The following MPPED2 variants were observed in gnomAD, a reference collection of about 807,000 sequenced individuals.
The protein encoded by MPPED2 is metallophosphoesterase domain containing 2, also known as metallophosphoesterase MPPED2.
MPPED2 carries 5 observed loss-of-function variants against 33.0 expected under a neutral mutation model. The observed-to-expected ratio is 0.15, with a 90% CI of 0.08 to 0.32. The LOEUF (loss-of-function observed/expected upper bound fraction) is 0.32. MPPED2 is among the 10% of genes least tolerant of loss of function. The pLI, the probability that MPPED2 is intolerant of heterozygous loss-of-function variation, is 1.00. For synonymous variants in MPPED2, 136 were observed against 141.9 expected, an observed-to-expected ratio of 0.96 and a Z score of 0.29; for missense variants, 275 against 372.1, an observed-to-expected ratio of 0.74 and a Z score of 2.15.
chr11:30,548,374 C>A (rs1955538102), intron 2 of MPPED2, among the ~76,000 whole-genome samples: 1 of 152,086 alleles, frequency 6.6e-6, no homozygotes, highest in Non-Finnish European at 1.5e-5. Flanking sequence ...CCACCACACC[C>A]AGCTTGTTTT....
At position 30,488,035 on chromosome 11, in the gene MPPED2, G is replaced by A. The variant is rs534856926; in HGVS notation, c.536+7261C>T. On this transcript the variant is annotated intron_variant, in intron 4 of 6. Transcript: ENST00000358117. Reference sequence around the variant, plus strand: ...ATCCTGGTTTAGTCTAGCAAACTCCGCAAAGGAAGCCTGGATTCTAGTCCT... The same window carrying A: ...ATCCTGGTTTAGTCTAGCAAACTCCACAAAGGAAGCCTGGATTCTAGTCCT... 3.6e-4 allele frequency among the ~76,000 whole-genome samples: 55 copies of A among 152,212 alleles called. 1 individual carries two copies. Among genetic ancestry groups the A allele is most frequent in the Non-Finnish European group, 5.9e-4 (40 of 68,020 alleles).
chr11:30,449,484 T>C (rs1365307412), intron 4 of MPPED2, among the ~76,000 whole-genome samples: 3 of 152,094 alleles, frequency 2.0e-5, no homozygotes, highest in East Asian at 3.9e-4. Flanking sequence ...CAAAACCCTG[T>C]CTCTACACAA....
intron 3 of MPPED2, among the ~76,000 whole-genome samples, chr11:30,533,410 T>C (rs1954638500): frequency 6.6e-6 from 1 of 152,042 alleles, no homozygotes; most frequent in Non-Finnish European, 1.5e-5. Flanking sequence ...AAATCAGAGA[T>C]TCAGTGGACT....
At chr11:30,435,231 T>C (rs1949271014) in intron 4 of MPPED2, among the ~76,000 whole-genome samples, 1 of 152,228 alleles carries the variant, frequency 6.6e-6, no homozygotes, top group Non-Finnish European at 1.5e-5. Context: ...TATAACTGCA[T>C]GGTATCCCAT....
rs1047460358 is a variant in MPPED2 at position 30,504,166 on chromosome 11, A to G, written c.311-8645T>C. Among the ~76,000 whole-genome samples, 74 of 152,184 alleles carry G rather than the reference A, an allele frequency of 4.9e-4. 2 individuals are homozygous for G. Among genetic ancestry groups the G allele is most frequent in the Non-Finnish European group, 1.5e-4 (10 of 68,032 alleles). On this transcript the variant is annotated intron_variant, in intron 3 of 6. Transcript: ENST00000358117. ...CACCCAAGGCACACAGAAGGAGGAA[A>G]TTTTTCCTATTTAAAATTATTATTA...
chr11:30,459,634 A>G (rs1950439204), intron 4 of MPPED2, among the ~76,000 whole-genome samples: 1 of 152,230 alleles, frequency 6.6e-6, no homozygotes, highest in Non-Finnish European at 1.5e-5. Context: ...AAAGCTTCAC[A>G]TAGAAGCTCT....
intron 2 of MPPED2, among the ~76,000 whole-genome samples, chr11:30,554,483 T>C (rs1955872804): frequency 6.6e-6 from 1 of 152,168 alleles, no homozygotes; most frequent in Admixed American, 6.6e-5. Flanking sequence ...CCACTTGCTC[T>C]GCATTTTAGA....
At chr11:30,534,592 T>C (rs116870761) in intron 3 of MPPED2, among the ~76,000 whole-genome samples, 1 of 152,320 alleles carries the variant, frequency 6.6e-6, no homozygotes, top group Non-Finnish European at 1.5e-5. Flanking sequence ...GCCAAGACCA[T>C]GATAAAACTA....
chr11:30,527,965 T>C (rs960700433), intron 3 of MPPED2, among the ~76,000 whole-genome samples: 1 of 152,246 alleles, frequency 6.6e-6, no homozygotes, highest in African/African-American at 2.4e-5. Context: ...CTTACTTAAC[T>C]TCACAGCAAT....
chr11:30,580,576 A>G, intron 1 of MPPED2, 82 bp from the exon 2 acceptor site: 1 of 1,309,398 alleles, frequency 7.6e-7, no homozygotes, highest in Non-Finnish European at 1.0e-6. Flanking sequence ...ACATCTAGAC[A>G]TGAAACTAGT....
At chr11:30,573,077 A>G (rs1956775600) in intron 2 of MPPED2, among the ~76,000 whole-genome samples, 1 of 152,112 alleles carries the variant, frequency 6.6e-6, no homozygotes. Flanking sequence ...ATTACTGTAT[A>G]CTCTTTTAGC....
intron 3 of MPPED2, among the ~76,000 whole-genome samples, chr11:30,522,893 C>G (rs1213194897): frequency 1.3e-5 from 2 of 151,956 alleles, no homozygotes; most frequent in African/African-American, 4.8e-5. Context: ...ACAGCAAGGT[C>G]AGTTAAGTTA....
intron 4 of MPPED2, among the ~76,000 whole-genome samples, chr11:30,490,339 G>GA (rs1332907348): frequency 6.6e-6 from 1 of 151,960 alleles, no homozygotes; most frequent in Admixed American, 6.6e-5. Context: ...AAAAGAATGA[G>GA]AAAAAAACAA....
chr11:30,384,298 A>G (rs1055061412), downstream of MPPED2, among the ~76,000 whole-genome samples: 34 of 152,182 alleles, frequency 2.2e-4, no homozygotes, highest in Admixed American at 2.2e-3. Context: ...GTTTGTTAGC[A>G]ACATGTATAA....
intron 4 of MPPED2, among the ~76,000 whole-genome samples, chr11:30,476,828 C>G (rs1376398007): frequency 6.6e-6 from 1 of 151,986 alleles, no homozygotes; most frequent in African/African-American, 2.4e-5. Context: ...ATCTACAGAT[C>G]AATTTAGGGA....
At chr11:30,410,117 A>G, downstream of MPPED2, 1 of 985,258 alleles carries the variant, frequency 1.0e-6, no homozygotes. Flanking sequence ...AAAATCACTT[A>G]TTCTAATTCT....
intron 3 of MPPED2, among the ~76,000 whole-genome samples, chr11:30,515,529 T>C (rs1028396046): frequency 6.6e-6 from 1 of 152,144 alleles, no homozygotes; most frequent in Non-Finnish European, 1.5e-5. Flanking sequence ...TTGGGGGACA[T>C]AACAGGATAA....
At chr11:30,564,091 C>A (rs1590874187) in intron 2 of MPPED2, among the ~76,000 whole-genome samples, 1 of 152,282 alleles carries the variant, frequency 6.6e-6, no homozygotes, top group East Asian at 1.9e-4. Flanking sequence ...GCTACTATGT[C>A]TTAACCTTTT....
At position 30,518,722 on chromosome 11, in the gene MPPED2, C is replaced by T. The variant is rs138462019; in HGVS notation, c.310+17272G>A. Among the ~76,000 whole-genome samples the T allele has an allele frequency of 4.1e-3, 618 of 152,264 alleles. 3 individuals carry two copies. The highest frequency in any genetic ancestry group is 0.014 in the African/African-American group (574 of 41,558). Reference sequence around the variant, plus strand: ...GAACTGAACACTTTTCTTTCCTTGTCAGGTTGGATAAGAAGGCTTTAACTG... The same window carrying T: ...GAACTGAACACTTTTCTTTCCTTGTTAGGTTGGATAAGAAGGCTTTAACTG... On this transcript the variant is annotated intron_variant, in intron 3 of 6. Transcript: ENST00000358117.
Sources: gnomAD v4.1 joint callset for allele counts (sites outside exome capture counted in the v4.1 genomes callset) on GRCh38, gnomAD v4.1.1 for gene constraint, MANE v1.5 for transcripts, NCBI Gene and HGNC (gene_info 2026-07-23, HGNC 2026-07-21) for gene names.